The following MEGF10 variants were observed in gnomAD, a reference collection of about 807,000 sequenced individuals.
MEGF10 encodes multiple EGF like domains 10, also known as multiple epidermal growth factor-like domains protein 10.
A neutral mutation model predicts 147.5 loss-of-function variants in MEGF10; 86 were observed. The observed-to-expected ratio is 0.58, with a 90% CI of 0.49 to 0.70. MEGF10 has a LOEUF of 0.70. Ranked by LOEUF, MEGF10 falls within the 30% of genes least tolerant of loss-of-function variation. The probability of loss-of-function intolerance (pLI) is 0.00; values close to 1 mark genes in which losing one functional copy is unlikely to be tolerated. For missense variants in MEGF10, 1,329 were observed against 1,487.3 expected, an observed-to-expected ratio of 0.89 and a Z score of 1.75; for synonymous variants, 478 against 525.5, an observed-to-expected ratio of 0.91 and a Z score of 1.24.
intron 9 of MEGF10, among the ~76,000 whole-genome samples, chr5:127,414,668 C>A (rs1327540860): frequency 6.6e-6 from 1 of 152,154 alleles, no homozygotes; most frequent in Non-Finnish European, 1.5e-5. Context: ...TGTGGGAAAG[C>A]TAGATCCCTG....
Position 127,371,191 on chromosome 5 carries a change from C to CTGTGTGTGTGTGTG in MEGF10, c.412+1231_412+1244dup, listed in dbSNP as rs10591122. 8.7e-5 allele frequency among the ~76,000 whole-genome samples: 11 copies of CTGTGTGTGTGTGTG among 126,254 alleles called. 1 individual carries two copies. Among genetic ancestry groups the CTGTGTGTGTGTGTG allele is most frequent in the African/African-American group, 1.8e-4 (6 of 33,368 alleles). The allele number at this position is 126,254 out of a possible 152,430, so 82.8% of individuals were successfully genotyped here. A position where few individuals can be genotyped will look rare whatever the true frequency, so the allele number is the denominator to read the frequency against. ...ACTGTACCTTAAACAGGGACTGGGA[C>CTGTGTGTGTGTGTG]TGTGTGTGTGTGTGTGTGTGTGTGT... On this transcript the variant is annotated intron_variant, in intron 5 of 24. Coordinates refer to ENST00000503335, the MANE Select transcript of MEGF10 (RefSeq NM_001256545.2).
the MEGF10 span, among the ~76,000 whole-genome samples, chr5:127,267,321 T>G: frequency 2.0e-5 from 3 of 152,232 alleles, no homozygotes; most frequent in African/African-American, 7.2e-5. Context: ...GGATTCATTT[T>G]GCCAGTATTT....
At chr5:127,241,231 C>A in the MEGF10 span, among the ~76,000 whole-genome samples, 1 of 152,086 alleles carries the variant, frequency 6.6e-6, no homozygotes, top group South Asian at 2.1e-4. Context: ...TTAACTTAAG[C>A]AACAAAGGGA....
chr5:127,415,409 T>C (rs923720124), intron 9 of MEGF10, among the ~76,000 whole-genome samples: 4 of 152,132 alleles, frequency 2.6e-5, no homozygotes, highest in Non-Finnish European at 4.4e-5. Context: ...AGAAGGAGAA[T>C]GATATGATTT....
At chr5:127,346,964 G>T (rs1761917512) in intron 4 of MEGF10, among the ~76,000 whole-genome samples, 1 of 151,922 alleles carries the variant, frequency 6.6e-6, no homozygotes, top group South Asian at 2.1e-4. Context: ...CAGCTTAAAG[G>T]TATTTTTATA....
the MEGF10 span, among the ~76,000 whole-genome samples, chr5:127,285,696 G>T: frequency 6.6e-6 from 1 of 151,992 alleles, no homozygotes; most frequent in African/African-American, 2.4e-5. Flanking sequence ...CCATATTTTT[G>T]CCATAAAGCA....
chr5:127,457,390 T>G lies in MEGF10; in HGVS notation c.*72T>G. The G allele has an allele frequency of 6.7e-7, 1 of 1,489,786 alleles. No individual in the cohort carries two copies. The highest frequency in any genetic ancestry group is 1.4e-5 in the African/African-American group (1 of 72,150). 92.3% of individuals were successfully genotyped at this position (1,489,786 alleles called of 1,614,324 possible). A position where few individuals can be genotyped will look rare whatever the true frequency, so the allele number is the denominator to read the frequency against. ...TGTTTGGTTCTTCTCCATCCTCAAT[T>G]TTGCCACTTTCATGTGAATGTTAGT... On this transcript the variant is annotated 3_prime_UTR_variant, in exon 25 of 25. Transcript: ENST00000503335.
chr5:127,330,019 T>C (rs961601602), intron 1 of MEGF10, among the ~76,000 whole-genome samples: 5 of 152,138 alleles, frequency 3.3e-5, no homozygotes, highest in Non-Finnish European at 5.9e-5. Flanking sequence ...CTATCTAAAC[T>C]GAACTGAAAG....
chr5:127,337,412 A>G (rs1409429490), intron 2 of MEGF10, among the ~76,000 whole-genome samples: 1 of 152,122 alleles, frequency 6.6e-6, no homozygotes, highest in Non-Finnish European at 1.5e-5. Context: ...AAAATAATTT[A>G]AAGTTCCAAT....
chr5:127,357,588 A>AAAAT (rs71573990), intron 4 of MEGF10, among the ~76,000 whole-genome samples: 16,966 of 132,452 alleles, frequency 0.13, 1,887 homozygotes, highest in African/African-American at 0.31. Flanking sequence ...ACCCTGCCTC[A>AAAAT]AAATAAATAA....
chr5:127,305,604 G>A (rs2585194), intron 1 of MEGF10, among the ~76,000 whole-genome samples: 100,265 of 151,756 alleles, frequency 0.66, 33,484 homozygotes, highest in Middle Eastern at 0.8. Context: ...CTTTTCTTCC[G>A]CCATTAAAAA....
chr5:127,452,124 C>T (rs1323771599), intron 22 of MEGF10, among the ~76,000 whole-genome samples: 1 of 152,186 alleles, frequency 6.6e-6, no homozygotes, highest in Non-Finnish European at 1.5e-5. Flanking sequence ...CCTGACTGCT[C>T]CCTCATTAAA....
the MEGF10 span, among the ~76,000 whole-genome samples, chr5:127,231,429 C>G: frequency 6.6e-6 from 1 of 152,224 alleles, no homozygotes; most frequent in Non-Finnish European, 1.5e-5. Context: ...TTCTTGGAAT[C>G]TGGTTAGCAC....
In MEGF10 at chr5:127,455,541, C is replaced by T. The variant is rs989552169; in HGVS notation, c.3166C>T (p.Arg1056Ter). Residue 1056 changes from arginine to a stop codon, truncating the protein, a stop_gained, in exon 24 of 25, where the codon CGA becomes TGA. Transcript: ENST00000503335. LOFTEE classifies it high-confidence loss of function. ...CGYVEMKSPA[R>*]RDSPYAEINN... Reference sequence around the variant, plus strand: ...TTATGTGGAGATGAAATCGCCGGCACGAAGAGATTCCCCATATGCAGAGAT... The same window carrying T: ...TTATGTGGAGATGAAATCGCCGGCATGAAGAGATTCCCCATATGCAGAGAT... 11 of 1,613,932 alleles carry T rather than the reference C, an allele frequency of 6.8e-6. No individual in the cohort carries two copies. The highest frequency in any genetic ancestry group is 9.3e-6 in the Non-Finnish European group (11 of 1,180,020).
chr5:127,251,392 C>T, the MEGF10 span, among the ~76,000 whole-genome samples: 7,170 of 151,796 alleles, frequency 0.047, 285 homozygotes, highest in African/African-American at 0.1. Flanking sequence ...TTTCCTTATG[C>T]GTAAAAGAGG....
intron 1 of MEGF10, among the ~76,000 whole-genome samples, chr5:127,320,263 C>T (rs559017565): frequency 2.0e-5 from 3 of 152,184 alleles, no homozygotes; most frequent in Admixed American, 1.3e-4. Context: ...TCCACCTGCC[C>T]CCATGGCATC....
At chr5:127,418,994 A>G in intron 10 of MEGF10, 126 bp from the exon 11 acceptor site, 1 of 1,202,546 alleles carries the variant, frequency 8.3e-7, no homozygotes, top group East Asian at 2.4e-5. Context: ...AAAATTTTAA[A>G]AATACAGTGT....
Position 127,383,286 on chromosome 5 carries a change from C to CTATAAACTTGTA in MEGF10, c.413-13241_413-13230dup, listed in dbSNP as rs1441167603. Among the ~76,000 whole-genome samples, 3 of 152,160 alleles carry CTATAAACTTGTA rather than the reference C, an allele frequency of 2.0e-5. No individual in the cohort carries two copies. The East Asian group carries it at 5.8e-4, about 29-fold the overall frequency. On this transcript the variant is annotated intron_variant, in intron 5 of 24. Transcript: ENST00000503335. The stretch of plus-strand genomic sequence containing the variant: ...TATAGTATAATAATGAACTCCGTTA[C>CTATAAACTTGTA]TATAAACTTGTATATAGCATTCCAT...
chr5:127,241,376 T>C, the MEGF10 span, among the ~76,000 whole-genome samples: 1 of 152,200 alleles, frequency 6.6e-6, no homozygotes, highest in African/African-American at 2.4e-5. Context: ...GTAAGCTCTC[T>C]TCTTATAGGT....
Sources: allele counts gnomAD v4.1 joint callset (sites outside exome capture counted in the v4.1 genomes callset), GRCh38; gene constraint gnomAD v4.1.1; transcripts MANE v1.5; gene names NCBI Gene and HGNC (gene_info 2026-07-23, HGNC 2026-07-21).